Variants in VPS13C observed in about 807,000 individuals in gnomAD.
VPS13C encodes the protein intermembrane lipid transfer protein VPS13C.
In VPS13C, 358 loss-of-function variants were observed where a neutral mutation model predicts 456.8. That is an observed-to-expected ratio of 0.78 (90% CI 0.72 to 0.86). VPS13C has a LOEUF of 0.86. Ranked by LOEUF, VPS13C falls within the 40% of genes least tolerant of loss-of-function variation. The pLI is 0.00. For missense variants in VPS13C, 4,818 were observed against 4,385.4 expected, an observed-to-expected ratio of 1.10 and a Z score of -2.79; for synonymous variants, 1,578 against 1,486.7, an observed-to-expected ratio of 1.06 and a Z score of -1.41.
At chr15:62,024,099 T>C (rs548208811) in intron 6 of VPS13C, among the ~76,000 whole-genome samples, 10 of 152,174 alleles carry the variant, frequency 6.6e-5, no homozygotes, top group Non-Finnish European at 1.5e-4. Flanking sequence ...TATACTAAAA[T>C]TGGATAAAAT....
chr15:61,977,828 T>C (rs1268000837), intron 23 of VPS13C, among the ~76,000 whole-genome samples: 3 of 152,040 alleles, frequency 2.0e-5, no homozygotes, highest in Admixed American at 2.0e-4. Context: ...AAAGGCAGTT[T>C]TAATGGTCTG....
In VPS13C at chr15:62,060,273, A is replaced by T; in HGVS notation, c.100+2T>A. On this transcript the variant is annotated splice_donor_variant, in intron 1 of 84. Coordinates refer to ENST00000644861, the MANE Select transcript of VPS13C (RefSeq NM_020821.3). LOFTEE classifies it high-confidence loss of function. ...GCCCACTGGCCGCGCCCTCTCGCTT[A>T]CCGCCCCAGATGCCCAGCTTCAGCT... The T allele has an allele frequency of 6.2e-7, 1 of 1,601,026 alleles. No homozygotes were observed.
At chr15:61,890,431 CA>C in intron 66 of VPS13C, 31 bp from the exon 67 acceptor site, 1 of 1,567,068 alleles carries the variant, frequency 6.4e-7, no homozygotes, top group African/African-American at 1.4e-5. Flanking sequence ...ATTAAACCCA[CA>C]CATAGTAACT....
intron 1 of VPS13C, among the ~76,000 whole-genome samples, chr15:62,048,521 G>A (rs1290670969): frequency 2.0e-5 from 3 of 149,100 alleles, no homozygotes; most frequent in Non-Finnish European, 4.5e-5. Flanking sequence ...CACTTGGGTT[G>A]GTTCCAAGTC....
chr15:62,009,565 TA>T (rs1187001798), intron 13 of VPS13C, among the ~76,000 whole-genome samples: 1 of 152,220 alleles, frequency 6.6e-6, no homozygotes, highest in East Asian at 1.9e-4. Flanking sequence ...ATTTTGGAAA[TA>T]TTAAGTTAAA....
In VPS13C at chr15:61,922,509, T is replaced by C; in HGVS notation, c.6863A>G (p.Glu2288Gly). The stretch of plus-strand genomic sequence containing the variant: ...TACAGTTCGATGTCCAAGGCCACAT[T>C]CTAAGGTAACTTGAATGGATTCTAC... Reference protein sequence around the residue: ...VVVESIQVTLECGLGHRTVPL... With the variant: ...VVVESIQVTLGCGLGHRTVPL... The change falls in exon 54 of 85, where the codon GAA (glutamate) becomes GGA (glycine). Residue 2288 changes from glutamate to glycine, a missense_variant. Glu to Gly is a moderately conservative substitution (Grantham distance 98). Transcript: ENST00000644861. The C allele has an allele frequency of 1.9e-6, 3 of 1,614,120 alleles. No homozygotes were observed. The highest frequency in any genetic ancestry group is 2.5e-6 in the Non-Finnish European group (3 of 1,179,964).
intron 46 of VPS13C, among the ~76,000 whole-genome samples, chr15:61,941,251 A>T (rs1396848209): frequency 1.3e-5 from 2 of 152,188 alleles, no homozygotes; most frequent in Non-Finnish European, 1.5e-5. Context: ...GGTAATAGTC[A>T]TTCCAGCTTG....
Position 61,856,370 on chromosome 15 carries a change from A to G in VPS13C, c.10992T>C (p.Leu3664=), listed in dbSNP as rs1429454371. ...ATGGACATTGCCAGTCTACACACATAAGGCCCAGGATTTCAACTTCCTTTA... is the reference window on the plus strand; with the variant it reads ...ATGGACATTGCCAGTCTACACACATGAGGCCCAGGATTTCAACTTCCTTTA... The part of the protein sequence containing the change: ...LCIKEVEILG[L]MCVDWQCPFE... Residue 3664 remains leucine (L), a synonymous_variant, in exon 83 of 85, where the codon CTT becomes CTC. Transcript: ENST00000644861. 1 of 1,613,234 alleles carries G rather than the reference A, an allele frequency of 6.2e-7. No individual in the cohort carries two copies. Among genetic ancestry groups the G allele is most frequent in the Non-Finnish European group, 8.5e-7 (1 of 1,179,582 alleles).
chr15:61,921,846 T>C, intron 55 of VPS13C, 101 bp downstream of exon 55: 2 of 1,219,480 alleles, frequency 1.6e-6, no homozygotes, highest in Non-Finnish European at 2.3e-6. Context: ...TTAAAAGGGC[T>C]TCAAGGATCC....
At chr15:61,987,540 G>A (rs2046092856) in intron 18 of VPS13C, among the ~76,000 whole-genome samples, 1 of 151,304 alleles carries the variant, frequency 6.6e-6, no homozygotes. Flanking sequence ...CCAACCCCAT[G>A]ATTCAATTAT....
At chr15:61,997,814 C>G (rs1306821926) in intron 16 of VPS13C, among the ~76,000 whole-genome samples, 3 of 151,812 alleles carry the variant, frequency 2.0e-5, no homozygotes, top group Non-Finnish European at 4.4e-5. Context: ...TTTCAATAGC[C>G]TCCTAACTGC....
chr15:62,030,790 C>A (rs1395894590), intron 5 of VPS13C, among the ~76,000 whole-genome samples: 1 of 152,074 alleles, frequency 6.6e-6, no homozygotes, highest in Non-Finnish European at 1.5e-5. Context: ...TGTTAATGAA[C>A]TAGATTAATG....
At position 61,920,094 on chromosome 15, in the gene VPS13C, C is replaced by G; in HGVS notation, c.7450G>C (p.Glu2484Gln). 1 of 1,609,106 alleles carries G rather than the reference C, an allele frequency of 6.2e-7. No individual in the cohort carries two copies. Among genetic ancestry groups the G allele is most frequent in the Non-Finnish European group, 8.5e-7 (1 of 1,176,636 alleles). Residue 2484 changes from glutamate to glutamine, a missense_variant, in exon 57 of 85, where the codon GAA (glutamate) becomes CAA (glutamine). Physicochemically the swap from Glu to Gln is conservative, Grantham distance 29. This residue lies in a region of VPS13C where 4,552 missense variants were observed against 4,130.6 expected (regional missense o/e 1.10). Transcript: ENST00000644861. ...ATGGTCAGAGTGAAGAAGGAGCTTT[C>G]TTGACGGCTCAATATAGATAGGTTC... Reference protein sequence around the residue: ...QGNLSILSRQESSFFTLTIVP... With the variant: ...QGNLSILSRQQSSFFTLTIVP...
intron 15 of VPS13C, among the ~76,000 whole-genome samples, chr15:62,003,162 T>C (rs2140471538): frequency 1.3e-5 from 2 of 152,176 alleles, no homozygotes; most frequent in East Asian, 3.9e-4. Context: ...CATGGAATGT[T>C]CTTCCATTTG....
intron 62 of VPS13C, among the ~76,000 whole-genome samples, 155 bp from the exon 63 acceptor site, chr15:61,912,159 T>G (rs1378938980): frequency 6.6e-6 from 1 of 152,166 alleles, no homozygotes; most frequent in Non-Finnish European, 1.5e-5. Flanking sequence ...GATTATCTTC[T>G]GAGAAAAAAA....
chr15:61,881,781 A>T lies in VPS13C; in HGVS notation c.9672T>A (p.Pro3224=). ...AAGCAATAGATTTTGGAGGGGCAAC[A>T]GGATGAAATACAACAGGGAACATTG... ...PGAMFPVVFH[P]VAPPKSIALD... The change falls in exon 70 of 85, where the codon CCT becomes CCA. Residue 3224 remains proline, a synonymous_variant. Transcript: ENST00000644861. 1 of 1,608,400 alleles carries T rather than the reference A, an allele frequency of 6.2e-7. No individual in the cohort carries two copies. Among genetic ancestry groups the T allele is most frequent in the Non-Finnish European group, 8.5e-7 (1 of 1,178,566 alleles).
At chr15:61,970,692 G>A (rs2045519755) in intron 27 of VPS13C, among the ~76,000 whole-genome samples, 1 of 152,044 alleles carries the variant, frequency 6.6e-6, no homozygotes, top group South Asian at 2.1e-4. Flanking sequence ...AGCCTCTTGG[G>A]AGGCTGGGGT....
intron 1 of VPS13C, among the ~76,000 whole-genome samples, chr15:62,056,764 G>A (rs917256174): frequency 1.2e-4 from 19 of 152,304 alleles, no homozygotes; most frequent in African/African-American, 4.1e-4. Context: ...CTTCTAGATA[G>A]CAGTAGTCAA....
chr15:62,006,626 G>A (rs533461891), intron 15 of VPS13C, among the ~76,000 whole-genome samples: 6 of 152,244 alleles, frequency 3.9e-5, no homozygotes, highest in Admixed American at 2.0e-4. Flanking sequence ...ACCCAGTAAC[G>A]GGATGGCTGG....
Sources: gnomAD v4.1 joint callset for allele counts (sites outside exome capture counted in the v4.1 genomes callset) on GRCh38, gnomAD v4.1.1 for gene constraint, gnomAD v4.1.1 regional missense constraint, MANE v1.5 for transcripts, NCBI Gene and HGNC (gene_info 2026-07-23, HGNC 2026-07-21) for gene names.